The following PRELID2 variants were observed in gnomAD, a reference collection of about 807,000 sequenced individuals.
The protein encoded by PRELID2 is PRELI domain containing 2.
In PRELID2, 25 loss-of-function variants were observed where a neutral mutation model predicts 28.4. The ratio of observed to expected loss-of-function variants is 0.88; its 90% CI spans 0.64 to 1.23. The LOEUF is 1.23. PRELID2 is among the 50% of genes most tolerant of loss of function. The probability of loss-of-function intolerance (pLI) is 0.00; values close to 1 mark genes in which losing one functional copy is unlikely to be tolerated. For synonymous variants in PRELID2, 76 were observed against 71.6 expected, an observed-to-expected ratio of 1.06 and a Z score of -0.31; for missense variants, 201 against 214.4, an observed-to-expected ratio of 0.94 and a Z score of 0.39.
the PRELID2 span, among the ~76,000 whole-genome samples, chr5:145,442,105 A>G: frequency 3.9e-5 from 6 of 152,096 alleles, no homozygotes; most frequent in Admixed American, 2.0e-4. Flanking sequence ...AGCACCTACT[A>G]TATCCCAAAG....
chr5:145,401,069 T>C, the PRELID2 span, among the ~76,000 whole-genome samples: 2 of 152,044 alleles, frequency 1.3e-5, no homozygotes, highest in Admixed American at 6.6e-5. Context: ...ACTTCTTAGT[T>C]ATCCATCCCC....
chr5:145,410,520 G>A, the PRELID2 span, among the ~76,000 whole-genome samples: 1 of 152,158 alleles, frequency 6.6e-6, no homozygotes, highest in East Asian at 1.9e-4. Flanking sequence ...GGAGACCTCA[G>A]GAAACTTACA....
At chr5:145,391,386 T>A in the PRELID2 span, among the ~76,000 whole-genome samples, 1 of 152,240 alleles carries the variant, frequency 6.6e-6, no homozygotes, top group African/African-American at 2.4e-5. Flanking sequence ...AGCTGTATGT[T>A]GGCCCCTTTT....
chr5:145,268,721 A>C, the PRELID2 span, among the ~76,000 whole-genome samples: 1 of 152,174 alleles, frequency 6.6e-6, no homozygotes, highest in Admixed American at 6.5e-5. Flanking sequence ...CTAAATTAAA[A>C]GTATAAAGGT....
chr5:145,527,694 C>T (rs2126657345), intron 1 of PRELID2, among the ~76,000 whole-genome samples: 1 of 152,222 alleles, frequency 6.6e-6, no homozygotes, highest in Admixed American at 6.5e-5. Context: ...ATCCTGACTC[C>T]ACTACTTCCA....
At chr5:145,434,215 G>A in the PRELID2 span, among the ~76,000 whole-genome samples, 1 of 152,122 alleles carries the variant, frequency 6.6e-6, no homozygotes, top group Non-Finnish European at 1.5e-5. Flanking sequence ...GCTTAGTTCA[G>A]TTAAAATTAG....
In PRELID2 at chr5:145,519,725, T is replaced by C. The variant is rs548876241; in HGVS notation, n.71-46410A>G. Reference sequence around the variant, plus strand: ...AAAAAGCTCAACATGTCTGAATTCATAGGCTCTGATCCAATGATGTGGAGA... The same window carrying C: ...AAAAAGCTCAACATGTCTGAATTCACAGGCTCTGATCCAATGATGTGGAGA... On this transcript the variant is annotated intron_variant and non_coding_transcript_variant, in intron 1 of 2. Transcript: ENST00000510259. Among the ~76,000 whole-genome samples the C allele has an allele frequency of 5.3e-5, 8 of 152,326 alleles. No individual in the cohort carries two copies. The South Asian group carries it at 1.2e-3, about 24-fold the overall frequency.
chr5:145,407,272 G>C, the PRELID2 span, among the ~76,000 whole-genome samples: 1 of 152,166 alleles, frequency 6.6e-6, no homozygotes, highest in Non-Finnish European at 1.5e-5. Context: ...GCTATGTGTG[G>C]GGCATGGTGG....
chr5:145,426,422 A>G, the PRELID2 span, among the ~76,000 whole-genome samples: 1 of 152,204 alleles, frequency 6.6e-6, no homozygotes, highest in Non-Finnish European at 1.5e-5. Flanking sequence ...TCTGACATGA[A>G]TCAAATGTCT....
the PRELID2 span, among the ~76,000 whole-genome samples, chr5:145,324,635 T>C: frequency 0.3 from 44,866 of 152,046 alleles, 6,913 homozygotes; most frequent in African/African-American, 0.38. Flanking sequence ...TGAAGTGTTT[T>C]TATAATAATG....
chr5:145,391,381 T>G, the PRELID2 span, among the ~76,000 whole-genome samples: 4 of 152,230 alleles, frequency 2.6e-5, no homozygotes, highest in Admixed American at 2.0e-4. Context: ...GCCTGAGCTG[T>G]ATGTTGGCCC....
At chr5:145,527,442 A>G (rs1269091902) in intron 1 of PRELID2, among the ~76,000 whole-genome samples, 2 of 152,244 alleles carry the variant, frequency 1.3e-5, no homozygotes, top group Admixed American at 6.5e-5. Flanking sequence ...ATCATTTCTT[A>G]TAATTGCATA....
intron 1 of PRELID2, among the ~76,000 whole-genome samples, chr5:145,677,893 T>G (rs1311383060): frequency 6.6e-6 from 1 of 151,984 alleles, no homozygotes; most frequent in East Asian, 1.9e-4. Flanking sequence ...GTGGGTGGGG[T>G]GCATTTTACA....
chr5:145,512,606 G>A (rs576190058), intron 1 of PRELID2, among the ~76,000 whole-genome samples: 20 of 152,296 alleles, frequency 1.3e-4, no homozygotes, highest in African/African-American at 4.3e-4. Context: ...AGAGAGCAGC[G>A]GATGTCCCAG....
the PRELID2 span, among the ~76,000 whole-genome samples, chr5:145,345,301 A>G: frequency 5.0e-3 from 753 of 151,520 alleles, 9 homozygotes; most frequent in African/African-American, 0.017. Flanking sequence ...GAAAGTAGAT[A>G]AAGACATGCT....
chr5:145,819,903 A>T, intron 3 of PRELID2, 42 bp downstream of exon 3: 1 of 1,189,218 alleles, frequency 8.4e-7, no homozygotes. Context: ...ATTAAAAATT[A>T]CTCAATGTTA....
chr5:145,334,289 T>C, the PRELID2 span, among the ~76,000 whole-genome samples: 1 of 152,230 alleles, frequency 6.6e-6, no homozygotes, highest in African/African-American at 2.4e-5. Context: ...ATTGTAGTTA[T>C]AAATATCTGT....
chr5:145,349,604 A>C, the PRELID2 span, among the ~76,000 whole-genome samples: 1 of 152,150 alleles, frequency 6.6e-6, no homozygotes. Flanking sequence ...TTCCCACTCC[A>C]CATATACAAC....
Position 145,819,411 on chromosome 5 carries a change from A to G in PRELID2, c.207+534T>C, listed in dbSNP as rs202061109. On this transcript the variant is annotated intron_variant, in intron 3 of 6. Coordinates refer to ENST00000683046, the MANE Select transcript of PRELID2 (RefSeq NM_205846.3). ...CAACAAAGAATCACCAGAGTGCTTA[A>G]GGACTTCAAAGAGAGAAAACAATTT... is the stretch of plus-strand genomic sequence containing the variant. The G allele has an allele frequency of 2.4e-5, 38 of 1,593,892 alleles. No individual in the cohort carries two copies. The Middle Eastern group carries it at 6.6e-4, about 28-fold the overall frequency.
Sources: gnomAD v4.1 joint callset for allele counts (sites outside exome capture counted in the v4.1 genomes callset) on GRCh38, gnomAD v4.1.1 for gene constraint, MANE v1.5 for transcripts, NCBI Gene and HGNC (gene_info 2026-07-23, HGNC 2026-07-21) for gene names.